VPS37C: variants seen among roughly 807,000 people sequenced by gnomAD.
The protein encoded by VPS37C is vacuolar protein sorting-associated protein 37C.
VPS37C carries 9 observed loss-of-function variants against 16.1 expected under a neutral mutation model. The observed-to-expected ratio is 0.56, with a 90% CI of 0.34 to 0.97. VPS37C has a LOEUF of 0.97. Among genes scored for constraint, VPS37C ranks in the 50% least tolerant of loss-of-function variants. The probability of loss-of-function intolerance (pLI) is 0.02; values close to 1 mark genes in which losing one functional copy is unlikely to be tolerated. For synonymous variants in VPS37C, 207 were observed against 206.4 expected (o/e 1.00, Z -0.02); for missense variants, 479 against 472.7 (o/e 1.01, Z -0.12).
At chr11:61,146,080 T>C (rs1853203118) in intron 1 of VPS37C, among the ~76,000 whole-genome samples, 3 of 152,212 alleles carry the variant, frequency 2.0e-5, no homozygotes, top group Non-Finnish European at 2.9e-5. Context: ...TAGCTCACAA[T>C]AACGTTTGCC....
At chr11:61,133,791 G>A (rs1003575372) in intron 3 of VPS37C, among the ~76,000 whole-genome samples, 2 of 152,212 alleles carry the variant, frequency 1.3e-5, no homozygotes, top group Admixed American at 6.5e-5. Flanking sequence ...CAGCAGCAAA[G>A]GATGCAGGCT....
At position 61,131,756 on chromosome 11, in the gene VPS37C, C is replaced by A. The variant is rs1038140852; in HGVS notation, c.*64G>T. ...CTTCCAGTTGACCCTCGAATCTCGGCGATGGCTGGGCCAAAGGTTGAGCGT... is the reference window on the plus strand; with the variant it reads ...CTTCCAGTTGACCCTCGAATCTCGGAGATGGCTGGGCCAAAGGTTGAGCGT... On this transcript the variant is annotated 3_prime_UTR_variant, in exon 5 of 5. Coordinates refer to ENST00000301765, the MANE Select transcript of VPS37C (RefSeq NM_017966.5). The A allele has an allele frequency of 3.2e-6, 4 of 1,236,318 alleles. No individual in the cohort carries two copies. Among genetic ancestry groups the A allele is most frequent in the Non-Finnish European group, 4.0e-6 (4 of 989,496 alleles). The allele number at this position is 1,236,318 out of a possible 1,614,324, so 76.6% of individuals were successfully genotyped here.
In VPS37C at chr11:61,132,225, T is replaced by C. The variant is rs1446288704; in HGVS notation, c.663A>G (p.Gly221=). 6 of 1,512,460 alleles carry C rather than the reference T, an allele frequency of 4.0e-6. No homozygotes were observed. Among genetic ancestry groups the C allele is most frequent in the Non-Finnish European group, 5.3e-6 (6 of 1,130,438 alleles). 93.7% of individuals were successfully genotyped at this position (1,512,460 alleles called of 1,614,324 possible). ...PSLPVGPTAH[G]ALPPAPFPVV... is the part of the protein sequence containing the mutation. ...CTGGGAAAGGGGCCGGTGGCAGGGCTCCATGGGCAGTGGGGCCCACAGGCA... is the reference window on the plus strand; with the variant it reads ...CTGGGAAAGGGGCCGGTGGCAGGGCCCCATGGGCAGTGGGGCCCACAGGCA... Residue 221 remains glycine (G), a synonymous_variant, in exon 5 of 5, where the codon GGA becomes GGG. Coordinates refer to ENST00000301765, the MANE Select transcript of VPS37C (RefSeq NM_017966.5).
intron 2 of VPS37C, among the ~76,000 whole-genome samples, chr11:61,134,773 CAT>C (rs901985087): frequency 2.2e-4 from 33 of 152,352 alleles, no homozygotes; most frequent in African/African-American, 6.7e-4. Context: ...CTATGCCACA[CAT>C]GTGTCCTGCA....
chr11:61,132,032 A>G lies in VPS37C; in HGVS notation c.856T>C (p.Leu286=). 2 of 1,376,486 alleles carry G rather than the reference A, an allele frequency of 1.5e-6. No homozygotes were observed. The highest frequency in any genetic ancestry group is 3.6e-5 in the Admixed American group (1 of 27,778). 85.3% of individuals were successfully genotyped at this position (1,376,486 alleles called of 1,614,324 possible). The change falls in exon 5 of 5, where the codon TTG becomes CTG. Residue 286 remains leucine, a synonymous_variant. Transcript: ENST00000301765. ...PMGASGPGYP[L]RGGRAPSPGY... is the part of the protein sequence containing the mutation. ...GGACTGGGGGCCCTGCCTCCCCGCAAGGGGTACCCAGGCCCAGAGGCACCC... is the reference window on the plus strand; with the variant it reads ...GGACTGGGGGCCCTGCCTCCCCGCAGGGGGTACCCAGGCCCAGAGGCACCC...
chr11:61,137,001 C>T (rs559825192), intron 2 of VPS37C, among the ~76,000 whole-genome samples: 1 of 152,012 alleles, frequency 6.6e-6, no homozygotes, highest in East Asian at 1.9e-4. Flanking sequence ...AAAGTAAGAC[C>T]CTGCCTAAAA....
chr11:61,134,864 T>C (rs1288985919), intron 2 of VPS37C, among the ~76,000 whole-genome samples: 1 of 152,134 alleles, frequency 6.6e-6, no homozygotes, highest in East Asian at 1.9e-4. Flanking sequence ...AAGCGGCACT[T>C]TACCCCTCTG....
At chr11:61,160,840 T>C (rs1309098399) in intron 1 of VPS37C, among the ~76,000 whole-genome samples, 2 of 152,208 alleles carry the variant, frequency 1.3e-5, no homozygotes, top group African/African-American at 4.8e-5. Context: ...TCAGTGATGC[T>C]GGGAGGTCCA....
intron 2 of VPS37C, among the ~76,000 whole-genome samples, chr11:61,135,286 G>A (rs1340141780): frequency 6.6e-6 from 1 of 152,212 alleles, no homozygotes; most frequent in Non-Finnish European, 1.5e-5. Context: ...CAGGGGCCGA[G>A]GTCCTGCACT....
chr11:61,158,181 T>C (rs199901273), intron 1 of VPS37C, among the ~76,000 whole-genome samples: 1 of 152,222 alleles, frequency 6.6e-6, no homozygotes, highest in Admixed American at 6.5e-5. Context: ...CGGAATATAA[T>C]ACTCATAAAG....
At chr11:61,148,299 G>T (rs886638233) in intron 1 of VPS37C, among the ~76,000 whole-genome samples, 7 of 152,112 alleles carry the variant, frequency 4.6e-5, no homozygotes, top group Non-Finnish European at 7.3e-5. Context: ...GAGCTGTGAC[G>T]TCCCTTGGTT....
chr11:61,137,385 G>C (rs1360985338), intron 2 of VPS37C, among the ~76,000 whole-genome samples: 1 of 152,200 alleles, frequency 6.6e-6, no homozygotes, highest in African/African-American at 2.4e-5. Context: ...GATGGGACAG[G>C]TGTGGCTGCA....
chr11:61,161,413 C>A lies in VPS37C; in HGVS notation c.-29G>T. The A allele has an allele frequency of 6.5e-6, 1 of 154,942 alleles. No individual in the cohort carries two copies. The highest frequency in any genetic ancestry group is 2.0e-4 in the South Asian group (1 of 5,036). 9.6% of individuals were successfully genotyped at this position (154,942 alleles called of 1,614,324 possible). On this transcript the variant is annotated 5_prime_UTR_variant, in exon 1 of 5. Transcript: ENST00000301765. ...CACCTGCCAGGGCCGCCGTCGCCGC[C>A]GCCACCGCGGGTTAAACCGCAGCCG... is the stretch of plus-strand genomic sequence containing the variant.
At chr11:61,153,940 T>C (rs1322578152) in intron 1 of VPS37C, among the ~76,000 whole-genome samples, 3 of 152,192 alleles carry the variant, frequency 2.0e-5, no homozygotes, top group Non-Finnish European at 4.4e-5. Context: ...CCAGCCACAG[T>C]GGAAAAACCT....
intron 1 of VPS37C, among the ~76,000 whole-genome samples, chr11:61,160,332 A>G (rs1853451887): frequency 6.6e-6 from 1 of 152,180 alleles, no homozygotes; most frequent in Non-Finnish European, 1.5e-5. Flanking sequence ...AGGTGTCTGC[A>G]GGGTTGCAGC....
intron 1 of VPS37C, 74 bp from the exon 2 acceptor site, chr11:61,138,909 T>C: frequency 7.1e-7 from 1 of 1,414,686 alleles, no homozygotes; most frequent in South Asian, 1.2e-5. Flanking sequence ...GTACATATGA[T>C]TTATCAAAAA....
chr11:61,155,468 T>C (rs987634078), intron 1 of VPS37C, among the ~76,000 whole-genome samples: 1 of 152,032 alleles, frequency 6.6e-6, no homozygotes, highest in African/African-American at 2.4e-5. Context: ...CACTGCACTC[T>C]GGCCTGGATG....
intron 2 of VPS37C, 116 bp downstream of exon 2, chr11:61,138,621 C>T: frequency 1.1e-6 from 1 of 907,886 alleles, no homozygotes; most frequent in Non-Finnish European, 1.7e-6. Flanking sequence ...ATGAAGTTCA[C>T]AGAAAAGGGA....
In VPS37C at chr11:61,152,484, G is replaced by A. The variant is rs756463796; in HGVS notation, c.-7+8907C>T. Among the ~76,000 whole-genome samples, 56 of 151,964 alleles carry A rather than the reference G, an allele frequency of 3.7e-4. 1 individual carries two copies. The highest frequency in any genetic ancestry group is 1.4e-3 in the Admixed American group (21 of 15,244). On this transcript the variant is annotated intron_variant, in intron 1 of 4. Coordinates refer to ENST00000301765, the MANE Select transcript of VPS37C (RefSeq NM_017966.5). ...TGTACAGAAAGTCTGCCCTAAGCCC[G>A]CCTTGGCCCTCTCCAGCCCTCTTCT...
Sources: gnomAD v4.1 joint callset for allele counts (sites outside exome capture counted in the v4.1 genomes callset) on GRCh38, gnomAD v4.1.1 for gene constraint, MANE v1.5 for transcripts, NCBI Gene and HGNC (gene_info 2026-07-23, HGNC 2026-07-21) for gene names.